PRKG1: variants seen among roughly 807,000 people sequenced by gnomAD.
The protein encoded by PRKG1 is cGMP-dependent protein kinase 1.
PRKG1 carries 35 observed loss-of-function variants against 88.1 expected under a neutral mutation model. The observed-to-expected ratio is 0.40, with a 90% confidence interval of 0.30 to 0.53. PRKG1 has a LOEUF of 0.53. PRKG1 is among the 20% of genes least tolerant of loss of function. PRKG1 has a pLI of 0.59. For missense variants in PRKG1, 540 were observed against 839.8 expected (o/e 0.64, Z 4.41); for synonymous variants, 303 against 292.5 (o/e 1.04, Z -0.37).
chr10:52,204,496 A>C (rs1186214136), intron 9 of PRKG1, among the ~76,000 whole-genome samples: 4 of 152,174 alleles, frequency 2.6e-5, no homozygotes, highest in Non-Finnish European at 5.9e-5. Context: ...AAGACCATAA[A>C]TTGTGAAGAT....
chr10:51,697,557 A>AAAAG, intron 3 of PRKG1: 2 of 867,708 alleles, frequency 2.3e-6, no homozygotes, highest in Non-Finnish European at 3.5e-6. Context: ...GAAAGAAAGA[A>AAAAG]AAAGAACAAA....
intron 2 of PRKG1, among the ~76,000 whole-genome samples, chr10:51,183,695 G>C (rs933374027): frequency 1.3e-5 from 2 of 151,786 alleles, no homozygotes; most frequent in African/African-American, 4.8e-5. Context: ...TTTTCTACTT[G>C]CCTATATTTA....
chr10:51,326,316 A>G (rs1300706214), intron 2 of PRKG1, among the ~76,000 whole-genome samples: 1 of 152,216 alleles, frequency 6.6e-6, no homozygotes, highest in Non-Finnish European at 1.5e-5. Flanking sequence ...CAAATTTTTC[A>G]AGTGACAGCA....
intron 4 of PRKG1, among the ~76,000 whole-genome samples, chr10:51,883,511 A>G (rs1238920658): frequency 6.6e-6 from 1 of 152,250 alleles, no homozygotes; most frequent in Non-Finnish European, 1.5e-5. Context: ...TCATTGCAGT[A>G]TTGAGGTAAT....
intron 9 of PRKG1, among the ~76,000 whole-genome samples, chr10:52,171,855 T>C (rs950958996): frequency 5.9e-5 from 8 of 135,010 alleles, no homozygotes; most frequent in Middle Eastern, 4.2e-3. Context: ...GACTGCGGAC[T>C]GCAGTGGCGC....
intron 8 of PRKG1, among the ~76,000 whole-genome samples, chr10:52,161,578 A>G (rs928766132): frequency 3.3e-5 from 5 of 152,058 alleles, no homozygotes; most frequent in African/African-American, 9.7e-5. Flanking sequence ...TGTGGTGTAT[A>G]TCATTTAGTG....
chr10:52,261,901 A>G lies in PRKG1; in HGVS notation c.1174-9449A>G, dbSNP rs182196377. Among the ~76,000 whole-genome samples the G allele has an allele frequency of 3.3e-5, 5 of 152,270 alleles. No individual in the cohort carries two copies. In the East Asian group the frequency reaches 9.7e-4, roughly 29 times the overall value. On this transcript the variant is annotated intron_variant, in intron 10 of 17. Transcript: ENST00000373980. ...TAGAAGCTTTCTGTTCACTTAAAGC[A>G]TTTCATTTCCTTTTAAGAATGTAGT...
intron 1 of PRKG1, among the ~76,000 whole-genome samples, chr10:51,112,330 G>A (rs908856946): frequency 5.9e-5 from 9 of 151,916 alleles, no homozygotes; most frequent in East Asian, 3.9e-4. Flanking sequence ...AAAAGCTTTC[G>A]GGTTTTAACA....
At chr10:51,297,783 A>G (rs1840758977) in intron 2 of PRKG1, among the ~76,000 whole-genome samples, 1 of 152,112 alleles carries the variant, frequency 6.6e-6, no homozygotes, top group Non-Finnish European at 1.5e-5. Flanking sequence ...GATATCTTAC[A>G]TGTAATAGGT....
rs556368130 is a variant in PRKG1 at position 51,551,633 on chromosome 10, T to A, written c.592+83797T>A. Among the ~76,000 whole-genome samples, 8 of 151,924 alleles carry A rather than the reference T, an allele frequency of 5.3e-5. No homozygotes were observed. In the East Asian group the frequency reaches 1.5e-3, roughly 29 times the overall value. On this transcript the variant is annotated intron_variant, in intron 3 of 17. Coordinates refer to ENST00000373980, the MANE Select transcript of PRKG1 (RefSeq NM_006258.4). ...GAGATGGAAGGATTCAATTTAGAAA[T>A]ATCCTAGATATTTTGAGAGAATGGC... is the stretch of plus-strand genomic sequence containing the variant.
At chr10:51,124,165 A>G (rs1199346503) in intron 1 of PRKG1, among the ~76,000 whole-genome samples, 1 of 152,110 alleles carries the variant, frequency 6.6e-6, no homozygotes, top group African/African-American at 2.4e-5. Flanking sequence ...TTTTGATCAG[A>G]ACCTGATCAA....
intron 3 of PRKG1, among the ~76,000 whole-genome samples, chr10:51,512,529 A>AT (rs553804619): frequency 0.028 from 2,982 of 108,398 alleles, 45 homozygotes; most frequent in Non-Finnish European, 0.042. Context: ...TGAACTCATC[A>AT]TTTTTTATGG....
intron 4 of PRKG1, among the ~76,000 whole-genome samples, chr10:51,868,272 G>A (rs1841066481): frequency 6.6e-6 from 1 of 152,092 alleles, no homozygotes; most frequent in Non-Finnish European, 1.5e-5. Context: ...GGTTGCCCAT[G>A]GGACAGTAAG....
intron 10 of PRKG1, among the ~76,000 whole-genome samples, chr10:52,270,731 GA>G (rs1337321719): frequency 9.1e-6 from 1 of 109,344 alleles, no homozygotes; most frequent in African/African-American, 3.5e-5. Context: ...GGGGTGGGGG[GA>G]GGGGGAAGGG....
chr10:51,744,426 T>C (rs1040348044), intron 3 of PRKG1, among the ~76,000 whole-genome samples: 4 of 152,236 alleles, frequency 2.6e-5, no homozygotes, highest in African/African-American at 7.2e-5. Context: ...TTGTTTCAAG[T>C]TAGAGGCTGA....
intron 5 of PRKG1, among the ~76,000 whole-genome samples, chr10:51,969,920 G>T (rs1006825818): frequency 6.6e-6 from 1 of 150,922 alleles, no homozygotes; most frequent in East Asian, 1.9e-4. Flanking sequence ...AGTTAAAACA[G>T]TATAAAGAAT....
chr10:52,233,965 C>A (rs1840604845), intron 9 of PRKG1, among the ~76,000 whole-genome samples: 1 of 152,078 alleles, frequency 6.6e-6, no homozygotes, highest in South Asian at 2.1e-4. Flanking sequence ...AGCTGGAGAT[C>A]TGAGAACCGG....
At position 51,411,803 on chromosome 10, in the gene PRKG1, G is replaced by A. The variant is rs114222298; in HGVS notation, c.479-55920G>A. 4.6e-3 allele frequency among the ~76,000 whole-genome samples: 707 copies of A among 152,224 alleles called. 3 individuals are homozygous for A. Among genetic ancestry groups the A allele is most frequent in the African/African-American group, 0.015 (639 of 41,528 alleles). On this transcript the variant is annotated intron_variant, in intron 2 of 17. Transcript: ENST00000373980. The stretch of plus-strand genomic sequence containing the variant: ...TTTATGACTATATTTATGGCAATGC[G>A]TCAGTACAAAGTTGCTATTGGGGAT...
At chr10:51,820,508 A>C (rs1839714920) in intron 4 of PRKG1, among the ~76,000 whole-genome samples, 1 of 152,166 alleles carries the variant, frequency 6.6e-6, no homozygotes, top group African/African-American at 2.4e-5. Context: ...ACAGAAGCAG[A>C]GGCACACCTC....
Sources: allele counts gnomAD v4.1 joint callset (sites outside exome capture counted in the v4.1 genomes callset), GRCh38; gene constraint gnomAD v4.1.1; transcripts MANE v1.5; gene names NCBI Gene and HGNC (gene_info 2026-07-23, HGNC 2026-07-21).